The following GPC5 variants were observed in gnomAD, a reference collection of about 807,000 sequenced individuals.
GPC5 encodes glypican 5, also known as glypican-5.
In GPC5, 47 loss-of-function variants were observed where a neutral mutation model predicts 53.9. The observed-to-expected ratio is 0.87, with a 90% CI of 0.69 to 1.11. The LOEUF is 1.11. Among genes scored for constraint, GPC5 ranks in the 50% most tolerant of loss-of-function variants. The probability of loss-of-function intolerance (pLI) is 0.00; values close to 1 mark genes in which losing one functional copy is unlikely to be tolerated. For synonymous variants in GPC5, 286 were observed against 263.3 expected, an observed-to-expected ratio of 1.09 and a Z score of -0.84; for missense variants, 748 against 713.1, an observed-to-expected ratio of 1.05 and a Z score of -0.56.
intron 7 of GPC5, among the ~76,000 whole-genome samples, chr13:92,808,178 G>T (rs1877169028): frequency 6.6e-6 from 1 of 152,066 alleles, no homozygotes. Context: ...TGCAGCACAA[G>T]TTTTATTATA....
chr13:92,346,434 C>T (rs945680804), intron 7 of GPC5, among the ~76,000 whole-genome samples: 1 of 152,144 alleles, frequency 6.6e-6, no homozygotes, highest in East Asian at 1.9e-4. Flanking sequence ...GCTAGCAGCC[C>T]CACCTGACAT....
intron 6 of GPC5, among the ~76,000 whole-genome samples, chr13:92,086,653 CT>C (rs1294212080): frequency 1.5e-4 from 22 of 149,528 alleles, no homozygotes; most frequent in East Asian, 5.9e-4. Context: ...CTCTCTCTCT[CT>C]TTTTTTTTTC....
intron 6 of GPC5, among the ~76,000 whole-genome samples, chr13:91,976,650 G>A (rs2040305254): frequency 6.6e-6 from 1 of 152,170 alleles, no homozygotes; most frequent in Admixed American, 6.5e-5. Context: ...TGGATGCAGT[G>A]ATCTGGCGAG....
chr13:92,036,228 A>G (rs1429280824), intron 6 of GPC5, among the ~76,000 whole-genome samples: 2 of 152,182 alleles, frequency 1.3e-5, no homozygotes, highest in African/African-American at 2.4e-5. Flanking sequence ...AATTTGACAT[A>G]TTAATGGTTT....
At chr13:92,838,873 A>G (rs999953450) in intron 7 of GPC5, among the ~76,000 whole-genome samples, 1 of 152,238 alleles carries the variant, frequency 6.6e-6, no homozygotes, top group Non-Finnish European at 1.5e-5. Context: ...AAGTCAAAAA[A>G]TAACTCTACA....
rs149812486 is a variant in GPC5, at chr13:92,705,639, A to G, written c.1562-160643A>G. On this transcript the variant is annotated intron_variant, in intron 7 of 7. Transcript: ENST00000377067. ...ATCTCAACTACATGTTTTCCTTTTT[A>G]ATGTTGCTTTTCAAAAATTTAAAAT... is the stretch of plus-strand genomic sequence containing the variant. 6.6e-5 allele frequency among the ~76,000 whole-genome samples: 10 copies of G among 152,264 alleles called. No individual in the cohort carries two copies. The East Asian group carries it at 1.9e-3, about 29-fold the overall frequency.
At chr13:91,724,345 A>G (rs957915748) in intron 3 of GPC5, among the ~76,000 whole-genome samples, 1 of 152,178 alleles carries the variant, frequency 6.6e-6, no homozygotes, top group East Asian at 1.9e-4. Flanking sequence ...TGTGGCCTGA[A>G]GCAAAGCAAT....
chr13:92,247,744 A>G (rs1339393414), intron 7 of GPC5, among the ~76,000 whole-genome samples: 1 of 152,076 alleles, frequency 6.6e-6, no homozygotes, highest in Non-Finnish European at 1.5e-5. Flanking sequence ...ATGTTTAACT[A>G]CCATATAATA....
At chr13:92,758,787 T>A (rs1875023743) in intron 7 of GPC5, among the ~76,000 whole-genome samples, 1 of 152,098 alleles carries the variant, frequency 6.6e-6, no homozygotes, top group South Asian at 2.1e-4. Flanking sequence ...TTGTGTGATA[T>A]CCAAGAAATC....
intron 5 of GPC5, among the ~76,000 whole-genome samples, chr13:91,867,538 C>A (rs1184958366): frequency 2.0e-5 from 3 of 152,214 alleles, no homozygotes; most frequent in African/African-American, 7.2e-5. Context: ...TTTATGGACA[C>A]ATGAATCCTC....
intron 2 of GPC5, among the ~76,000 whole-genome samples, chr13:91,483,819 T>C (rs199928671): frequency 6.6e-6 from 1 of 152,320 alleles, no homozygotes; most frequent in East Asian, 1.9e-4. Context: ...TTTTTTCTCA[T>C]CAACATTACA....
intron 5 of GPC5, among the ~76,000 whole-genome samples, chr13:91,784,756 A>G (rs1036428113): frequency 1.3e-5 from 2 of 150,962 alleles, no homozygotes; most frequent in African/African-American, 4.9e-5. Flanking sequence ...TTTGATTAGG[A>G]TGTCAAAAAG....
intron 6 of GPC5, among the ~76,000 whole-genome samples, chr13:91,915,359 A>G (rs554678067): frequency 2.0e-5 from 3 of 152,310 alleles, no homozygotes; most frequent in East Asian, 1.9e-4. Flanking sequence ...AAAAAAATCA[A>G]TTGTCCGCAT....
intron 7 of GPC5, among the ~76,000 whole-genome samples, chr13:92,308,725 T>A (rs911862274): frequency 1.3e-5 from 2 of 151,898 alleles, no homozygotes; most frequent in Non-Finnish European, 2.9e-5. Flanking sequence ...CCATAAAGAT[T>A]TGTGAAAAAG....
intron 6 of GPC5, among the ~76,000 whole-genome samples, chr13:92,117,008 A>G (rs532038374): frequency 6.6e-6 from 1 of 152,160 alleles, no homozygotes; most frequent in Non-Finnish European, 1.5e-5. Context: ...TCTAAACAGC[A>G]TCTTTCGTAG....
chr13:91,725,369 G>A (rs928202284), intron 3 of GPC5, among the ~76,000 whole-genome samples: 2 of 152,168 alleles, frequency 1.3e-5, no homozygotes, highest in African/African-American at 2.4e-5. Context: ...AAGTGTGAAG[G>A]TTTTTTCAAT....
chr13:92,557,986 A>C (rs1162514586), intron 7 of GPC5, among the ~76,000 whole-genome samples: 1 of 152,010 alleles, frequency 6.6e-6, no homozygotes, highest in Non-Finnish European at 1.5e-5. Context: ...TCCAGATAAA[A>C]AGGAAATGAT....
At chr13:92,573,535 A>G (rs1883098344) in intron 7 of GPC5, among the ~76,000 whole-genome samples, 1 of 152,000 alleles carries the variant, frequency 6.6e-6, no homozygotes, top group South Asian at 2.1e-4. Flanking sequence ...TCATTCTTCA[A>G]TATTTACTCT....
At chr13:92,270,131 A>C (rs2042830162) in intron 7 of GPC5, among the ~76,000 whole-genome samples, 1 of 152,112 alleles carries the variant, frequency 6.6e-6, no homozygotes, top group Non-Finnish European at 1.5e-5. Context: ...AGGGATCATG[A>C]TGGGAATTTG....
Sources: gnomAD v4.1 joint callset for allele counts (sites outside exome capture counted in the v4.1 genomes callset) on GRCh38, gnomAD v4.1.1 for gene constraint, MANE v1.5 for transcripts, NCBI Gene and HGNC (gene_info 2026-07-23, HGNC 2026-07-21) for gene names.